MARCHF10: variants seen among roughly 807,000 people sequenced by gnomAD.
The protein encoded by MARCHF10 is membrane associated ring-CH-type finger 10, also known as probable E3 ubiquitin-protein ligase MARCHF10.
A neutral mutation model predicts 76.2 loss-of-function variants in MARCHF10; 64 were observed. The observed-to-expected ratio is 0.84, with a 90% CI of 0.69 to 1.03. The LOEUF is 1.03. Ranked by LOEUF, MARCHF10 falls within the 50% of genes least tolerant of loss-of-function variation. MARCHF10 has a pLI of 0.00. For missense variants in MARCHF10, 875 were observed against 958.0 expected, an observed-to-expected ratio of 0.91 and a Z score of 1.14; for synonymous variants, 340 against 357.5, an observed-to-expected ratio of 0.95 and a Z score of 0.55.
At chr17:62,760,138 C>A in intron 3 of MARCHF10, 132 bp from the exon 4 acceptor site, 1 of 691,178 alleles carries the variant, frequency 1.4e-6, no homozygotes, top group Non-Finnish European at 2.4e-6. Flanking sequence ...CAGGTCAACA[C>A]GCCCGTTCAC....
intron 4 of MARCHF10, among the ~76,000 whole-genome samples, chr17:62,753,284 T>C (rs1303295833): frequency 1.3e-5 from 2 of 152,096 alleles, no homozygotes; most frequent in African/African-American, 4.8e-5. Flanking sequence ...TTTTTGTATT[T>C]TTAGTAGAGA....
At chr17:62,799,002 T>TG (rs1446032288) in intron 2 of MARCHF10, among the ~76,000 whole-genome samples, 2 of 152,196 alleles carry the variant, frequency 1.3e-5, no homozygotes, top group East Asian at 1.9e-4. Context: ...CTGCCGGCCT[T>TG]GGGGTCTTCA....
At chr17:62,705,657 G>A in intron 9 of MARCHF10, 76 bp from the exon 10 acceptor site, 3 of 1,555,070 alleles carry the variant, frequency 1.9e-6, no homozygotes, top group African/African-American at 1.4e-5. Context: ...CCTCCTAGTC[G>A]CAGCAACGTT....
intron 1 of MARCHF10, among the ~76,000 whole-genome samples, chr17:62,803,096 T>C (rs1285523349): frequency 6.6e-6 from 1 of 152,116 alleles, no homozygotes. Context: ...AGATCAGCCT[T>C]GGCAATATAG....
intron 6 of MARCHF10, among the ~76,000 whole-genome samples, chr17:62,732,253 A>G (rs2091054819): frequency 6.6e-6 from 1 of 152,358 alleles, no homozygotes; most frequent in Admixed American, 6.5e-5. Context: ...AAAAATCCCA[A>G]CAAGTGGATT....
chr17:62,701,562 G>C lies in MARCHF10; in HGVS notation c.*141C>G, dbSNP rs2089234266. 3 of 1,558,592 alleles carry C rather than the reference G, an allele frequency of 1.9e-6. No homozygotes were observed. The highest frequency in any genetic ancestry group is 2.6e-6 in the Non-Finnish European group (3 of 1,154,356). On this transcript the variant is annotated 3_prime_UTR_variant, in exon 11 of 11. Coordinates refer to ENST00000311269, the MANE Select transcript of MARCHF10 (RefSeq NM_152598.4). ...GATGCTCAAGCCAGACCCCAAAAGA[G>C]AGTGGCACGAGGTGAAAATCTAACT...
At chr17:62,714,422 AC>A in intron 8 of MARCHF10, 1 of 985,308 alleles carries the variant, frequency 1.0e-6, no homozygotes, top group Non-Finnish European at 1.2e-6. Context: ...ATCTCGCAAC[AC>A]CAACACATCC....
intron 7 of MARCHF10, among the ~76,000 whole-genome samples, chr17:62,723,074 G>A (rs2147705286): frequency 6.6e-6 from 1 of 151,460 alleles, no homozygotes; most frequent in South Asian, 2.1e-4. Flanking sequence ...TCCTGCCCAG[G>A]TAACATTGCC....
chr17:62,803,833 G>A (rs775797168), intron 1 of MARCHF10, among the ~76,000 whole-genome samples: 1 of 152,090 alleles, frequency 6.6e-6, no homozygotes. Context: ...ACTCTTTACC[G>A]ACCCTCTGGA....
chr17:62,725,019 C>T lies in MARCHF10; in HGVS notation c.2023G>A (p.Glu675Lys). The change falls in exon 7 of 11, where the codon GAG becomes AAG. Residue 675 changes from glutamate (E) to lysine (K), a missense_variant. By Grantham distance (56) the Glu-to-Lys change is moderately conservative (BLOSUM62 1). Coordinates refer to ENST00000311269, the MANE Select transcript of MARCHF10 (RefSeq NM_152598.4). ...AGGCTTCCCACACAGCCGCAAGGCT[C>T]CAGGAGGGGGTTGCTTGGGGAACCC... The part of the protein sequence containing the change: ...AGGSPSNPLL[E>K]PCGCVGSLQF... 1 of 1,610,478 alleles carries T rather than the reference C, an allele frequency of 6.2e-7. No homozygotes were observed. The highest frequency in any genetic ancestry group is 2.2e-5 in the East Asian group (1 of 44,656).
chr17:62,779,141 G>T (rs1047385262), intron 3 of MARCHF10, among the ~76,000 whole-genome samples: 5 of 152,158 alleles, frequency 3.3e-5, no homozygotes, highest in African/African-American at 9.7e-5. Flanking sequence ...ATCTGAGCTA[G>T]AGTCAAGAGG....
intron 4 of MARCHF10, among the ~76,000 whole-genome samples, chr17:62,747,556 T>C (rs1599204450): frequency 6.6e-6 from 1 of 152,204 alleles, no homozygotes; most frequent in East Asian, 1.9e-4. Flanking sequence ...CTTGTTACTG[T>C]GAAGTTTAGC....
intron 9 of MARCHF10, chr17:62,706,568 T>A (rs1337705992): frequency 6.6e-6 from 1 of 152,160 alleles, no homozygotes; most frequent in African/African-American, 2.4e-5. Flanking sequence ...TTTGTAGAAA[T>A]GATGTGGATA....
chr17:62,729,764 G>C (rs984625599), intron 6 of MARCHF10, among the ~76,000 whole-genome samples: 2 of 151,960 alleles, frequency 1.3e-5, no homozygotes, highest in African/African-American at 4.8e-5. Context: ...TGTAGAGACA[G>C]GGTATCGCCA....
chr17:62,764,064 G>A (rs2147971564), intron 3 of MARCHF10, among the ~76,000 whole-genome samples: 1 of 152,254 alleles, frequency 6.6e-6, no homozygotes, highest in East Asian at 1.9e-4. Flanking sequence ...TGTCCTGGAA[G>A]GTGAAAACGC....
At chr17:62,743,144 G>C (rs960951215) in intron 5 of MARCHF10, among the ~76,000 whole-genome samples, 19 of 152,124 alleles carry the variant, frequency 1.2e-4, no homozygotes, top group Admixed American at 5.2e-4. Context: ...GGCTACTTTA[G>C]CACCCAAGAT....
At chr17:62,737,465 T>C in intron 5 of MARCHF10, 133 bp from the exon 6 acceptor site, 1 of 811,442 alleles carries the variant, frequency 1.2e-6, no homozygotes, top group Non-Finnish European at 2.0e-6. Flanking sequence ...ACGGTCAAAA[T>C]GGCTGGAGGT....
chr17:62,768,500 A>C (rs1450986470), intron 3 of MARCHF10, among the ~76,000 whole-genome samples: 4 of 152,228 alleles, frequency 2.6e-5, no homozygotes, highest in Admixed American at 2.6e-4. Flanking sequence ...AGTCTGGGTG[A>C]CAGGGCAAAA....
intron 3 of MARCHF10, among the ~76,000 whole-genome samples, chr17:62,787,243 G>A (rs1187435382): frequency 6.6e-6 from 1 of 151,858 alleles, no homozygotes; most frequent in Non-Finnish European, 1.5e-5. Context: ...CTCTCTCCTA[G>A]GTATACATCT....
Sources: allele counts gnomAD v4.1 joint callset (sites outside exome capture counted in the v4.1 genomes callset), GRCh38; gene constraint gnomAD v4.1.1; transcripts MANE v1.5; gene names NCBI Gene and HGNC (gene_info 2026-07-23, HGNC 2026-07-21).